Variants in MAGI2 observed in about 807,000 individuals in gnomAD.
MAGI2 encodes membrane associated guanylate kinase, WW and PDZ domain containing 2.
Under a neutral mutation model 133.3 loss-of-function variants are expected in MAGI2, and 35 were observed. That is an observed-to-expected ratio of 0.26 (90% CI 0.20 to 0.35). MAGI2 has a LOEUF of 0.35. Ranked by LOEUF, MAGI2 falls within the 10% of genes least tolerant of loss-of-function variation. The pLI, the probability that MAGI2 is intolerant of heterozygous loss-of-function variation, is 1.00. For synonymous variants in MAGI2, 729 were observed against 710.6 expected (o/e 1.03, Z -0.41); for missense variants, 1,636 against 1,863.4 (o/e 0.88, Z 2.25).
At chr7:78,443,289 T>TA (rs1284011143) in intron 6 of MAGI2, among the ~76,000 whole-genome samples, 3 of 152,194 alleles carry the variant, frequency 2.0e-5, no homozygotes, top group Admixed American at 6.6e-5. Flanking sequence ...CATTTGGCAG[T>TA]AATACACTGG....
intron 21 of MAGI2, among the ~76,000 whole-genome samples, chr7:78,045,434 C>T (rs1367166357): frequency 3.9e-5 from 6 of 152,128 alleles, no homozygotes; most frequent in Non-Finnish European, 7.4e-5. Context: ...AGAAACACTT[C>T]TCTTCATGAC....
chr7:79,294,621 T>C (rs186765985), intron 1 of MAGI2, among the ~76,000 whole-genome samples: 12 of 152,198 alleles, frequency 7.9e-5, no homozygotes, highest in Admixed American at 2.6e-4. Flanking sequence ...TTATTCTTTT[T>C]CTTTTTGAAC....
intron 1 of MAGI2, chr7:79,011,050 A>T (rs2116574326): frequency 6.6e-6 from 1 of 152,256 alleles, no homozygotes; most frequent in South Asian, 2.1e-4. Flanking sequence ...GCTCAGTTCA[A>T]ACTCTTCCTA....
chr7:78,422,161 C>G (rs1404490296), intron 6 of MAGI2, among the ~76,000 whole-genome samples: 1 of 152,110 alleles, frequency 6.6e-6, no homozygotes, highest in African/African-American at 2.4e-5. Context: ...AAATCAGGAG[C>G]AGCTGCAGGG....
At chr7:78,291,827 A>G (rs1796742350) in intron 9 of MAGI2, among the ~76,000 whole-genome samples, 1 of 139,082 alleles carries the variant, frequency 7.2e-6, no homozygotes, top group South Asian at 2.3e-4. Flanking sequence ...ACCAGTGACA[A>G]AAACCATACG....
chr7:79,021,921 C>T lies in MAGI2; in HGVS notation c.302-14715G>A, dbSNP rs140786511. ...TGGGACCAGGTGGAGATAATTGAAT[C>T]ATGGGGGCAGTTTCCCCTATGCTGT... On this transcript the variant is annotated intron_variant, in intron 1 of 21. Coordinates refer to ENST00000354212, the MANE Select transcript of MAGI2 (RefSeq NM_012301.4). Among the ~76,000 whole-genome samples the T allele has an allele frequency of 2.6e-4, 39 of 152,272 alleles. No individual in the cohort carries two copies. The East Asian group carries it at 5.6e-3, about 22-fold the overall frequency.
chr7:78,386,044 G>A (rs982254975), intron 6 of MAGI2, among the ~76,000 whole-genome samples: 1 of 152,082 alleles, frequency 6.6e-6, no homozygotes, highest in Non-Finnish European at 1.5e-5. Flanking sequence ...CAAAGACCTG[G>A]CCATTGCAAT....
intron 2 of MAGI2, among the ~76,000 whole-genome samples, chr7:78,907,617 A>G (rs1437022314): frequency 6.6e-6 from 1 of 152,194 alleles, no homozygotes; most frequent in Non-Finnish European, 1.5e-5. Context: ...AATAAAGCTC[A>G]GTTCTGCTAT....
At chr7:79,449,877 C>CATACATATATATATATATAT (rs1554488321) in intron 1 of MAGI2, among the ~76,000 whole-genome samples, 3 of 120,626 alleles carry the variant, frequency 2.5e-5, no homozygotes, top group African/African-American at 9.0e-5. Flanking sequence ...GAGATATATA[C>CATACATATATATATATATAT]ATATATATAT....
rs145439638 is a variant in MAGI2, at chr7:79,024,450, T to C, written c.302-17244A>G. ...AAAGGCTTCAAGACAAAGCCACCAA[T>C]AGCAATTGCAACAAAAACAAAAATT... On this transcript the variant is annotated intron_variant, in intron 1 of 21. Transcript: ENST00000354212. 1.6e-4 allele frequency among the ~76,000 whole-genome samples: 24 copies of C among 152,056 alleles called. No homozygotes were observed. In the East Asian group the frequency reaches 3.5e-3, roughly 22 times the overall value.
chr7:78,527,699 C>T (rs933594592), intron 3 of MAGI2, among the ~76,000 whole-genome samples: 4 of 152,170 alleles, frequency 2.6e-5, no homozygotes, highest in African/African-American at 9.7e-5. Context: ...CTTTCACTTA[C>T]TTCCAACACC....
chr7:79,440,869 C>T (rs1563226686), intron 1 of MAGI2, among the ~76,000 whole-genome samples: 1 of 152,176 alleles, frequency 6.6e-6, no homozygotes, highest in Non-Finnish European at 1.5e-5. Context: ...TTCTGCTCTG[C>T]CATCCTCCAC....
chr7:78,386,202 G>GAT (rs908351323), intron 6 of MAGI2, among the ~76,000 whole-genome samples: 16 of 151,904 alleles, frequency 1.1e-4, no homozygotes, highest in Admixed American at 4.6e-4. Flanking sequence ...ATACAATAGT[G>GAT]ATATATATAC....
chr7:78,765,791 A>C (rs1034883837), intron 2 of MAGI2, among the ~76,000 whole-genome samples: 3 of 152,188 alleles, frequency 2.0e-5, no homozygotes, highest in African/African-American at 7.2e-5. Context: ...ACACTAACAT[A>C]AAACTAAATA....
chr7:78,070,174 CATATATATAT>C lies in MAGI2; in HGVS notation c.3706+8763_3706+8772del, dbSNP rs57714371. 5.5e-3 allele frequency among the ~76,000 whole-genome samples: 312 copies of C among 56,588 alleles called. 4 individuals are homozygous for C. The highest frequency in any genetic ancestry group is 0.019 in the East Asian group (29 of 1,548). The allele number at this position is 56,588 out of a possible 152,430, so 37.1% of individuals were successfully genotyped here. ...ACACACATATATATACACACACACA[CATATATATAT>C]ATATATATATATATATATATATATA... On this transcript the variant is annotated intron_variant, in intron 21 of 21. Coordinates refer to ENST00000354212, the MANE Select transcript of MAGI2 (RefSeq NM_012301.4).
At chr7:78,717,694 G>C (rs1819856187) in intron 2 of MAGI2, among the ~76,000 whole-genome samples, 1 of 152,030 alleles carries the variant, frequency 6.6e-6, no homozygotes, top group Admixed American at 6.6e-5. Context: ...TATTTATTTA[G>C]TTTACTCCTT....
At position 78,545,211 on chromosome 7, in the gene MAGI2, T is replaced by C. The variant is rs147948440; in HGVS notation, c.539-23566A>G. The stretch of plus-strand genomic sequence containing the variant: ...CCAAATAATCTGATAATAACCTGAT[T>C]CTTTTTTTTTTTTTTTTTTTTTTGA... On this transcript the variant is annotated intron_variant, in intron 3 of 21. Transcript: ENST00000354212. Among the ~76,000 whole-genome samples, 129 of 113,984 alleles carry C rather than the reference T, an allele frequency of 1.1e-3. 2 individuals carry two copies. In the East Asian group the frequency reaches 0.029, roughly 26 times the overall value. The allele number at this position is 113,984 out of a possible 152,430, so 74.8% of individuals were successfully genotyped here.
intron 2 of MAGI2, among the ~76,000 whole-genome samples, chr7:78,848,785 C>T (rs556987754): frequency 6.6e-6 from 1 of 152,144 alleles, no homozygotes; most frequent in East Asian, 1.9e-4. Context: ...AATATATCAT[C>T]CTAGAAGTCT....
At chr7:78,428,209 G>C (rs1799469347) in intron 6 of MAGI2, among the ~76,000 whole-genome samples, 1 of 152,162 alleles carries the variant, frequency 6.6e-6, no homozygotes, top group South Asian at 2.1e-4. Flanking sequence ...TGCTATGGAG[G>C]AATTGGGAAA....
Sources: allele counts gnomAD v4.1 joint callset (sites outside exome capture counted in the v4.1 genomes callset), GRCh38; gene constraint gnomAD v4.1.1; transcripts MANE v1.5; gene names NCBI Gene and HGNC (gene_info 2026-07-23, HGNC 2026-07-21).